Variants in CHAT observed in about 807,000 individuals in gnomAD.
The protein encoded by CHAT is acetyl CoA:choline O-acetyltransferase.
CHAT carries 61 observed loss-of-function variants against 76.9 expected under a neutral mutation model. The ratio of observed to expected loss-of-function variants is 0.79; its 90% CI spans 0.65 to 0.98. The LOEUF (loss-of-function observed/expected upper bound fraction) is 0.98. Ranked by LOEUF, CHAT falls within the 50% of genes least tolerant of loss-of-function variation. CHAT has a pLI of 0.00. For missense variants in CHAT, 946 were observed against 986.9 expected (o/e 0.96, Z 0.56); for synonymous variants, 407 against 397.4 (o/e 1.02, Z -0.29).
chr10:49,656,420 T>C (rs1379548421), intron 13 of CHAT, among the ~76,000 whole-genome samples: 1 of 151,696 alleles, frequency 6.6e-6, no homozygotes, highest in Non-Finnish European at 1.5e-5. Flanking sequence ...AAGAGGCCCT[T>C]CAACGTGAAC....
rs1838632986 is a variant in CHAT, at chr10:49,619,776, C to A, written c.439C>A (p.Leu147Met). ...GCTGCAGCAGACCCTGGCCACGTAC[C>A]TGCAGTGCATGCGACACTTGGTGTC... is the stretch of plus-strand genomic sequence containing the variant. ...PPLQQTLATY[L>M]QCMRHLVSEE... The change falls in exon 3 of 15, where the codon CTG (leucine) becomes ATG (methionine). Residue 147 changes from leucine (L) to methionine (M), a missense_variant. Transcript: ENST00000337653. 3.1e-6 allele frequency: 5 copies of A among 1,613,916 alleles called. No individual in the cohort carries two copies. The highest frequency in any genetic ancestry group is 4.2e-6 in the Non-Finnish European group (5 of 1,180,034).
intron 10 of CHAT, among the ~76,000 whole-genome samples, chr10:49,650,546 T>A (rs1839843286): frequency 1.3e-5 from 2 of 152,012 alleles, no homozygotes; most frequent in Admixed American, 1.3e-4. Context: ...AAGTTCATAA[T>A]GATGAAGGCT....
chr10:49,624,438 C>T (rs1838841508), intron 5 of CHAT, among the ~76,000 whole-genome samples: 1 of 152,178 alleles, frequency 6.6e-6, no homozygotes. Flanking sequence ...GGACACTTCA[C>T]CCTTAGGGCT....
chr10:49,618,387 G>T (rs868461158), intron 2 of CHAT, among the ~76,000 whole-genome samples: 1 of 152,146 alleles, frequency 6.6e-6, no homozygotes, highest in Non-Finnish European at 1.5e-5. Flanking sequence ...GGCAGGGTTT[G>T]CTACCCCCAT....
intron 13 of CHAT, among the ~76,000 whole-genome samples, chr10:49,660,790 G>C (rs1223752110): frequency 6.6e-6 from 1 of 152,292 alleles, no homozygotes; most frequent in Admixed American, 6.5e-5. Flanking sequence ...AGATGGGTTT[G>C]GGGAAAGGAG....
At chr10:49,619,329 C>T (rs767024098) in intron 2 of CHAT, among the ~76,000 whole-genome samples, 4 of 152,180 alleles carry the variant, frequency 2.6e-5, no homozygotes, top group Non-Finnish European at 5.9e-5. Context: ...AAAGCACTTT[C>T]ATATCTATTT....
chr10:49,611,669 C>T (rs1410431705), upstream of CHAT: 3 of 1,611,292 alleles, frequency 1.9e-6, no homozygotes, highest in African/African-American at 1.3e-5. Flanking sequence ...TTCCTCGAAC[C>T]CACCATTGCC....
At chr10:49,637,005 A>T (rs1590592637) in intron 7 of CHAT, among the ~76,000 whole-genome samples, 2 of 148,560 alleles carry the variant, frequency 1.3e-5, no homozygotes, top group Non-Finnish European at 1.5e-5. Flanking sequence ...ATCCTGTTTC[A>T]TTCCTGATAT....
intron 7 of CHAT, among the ~76,000 whole-genome samples, chr10:49,646,134 T>C (rs553338975): frequency 1.3e-5 from 2 of 152,298 alleles, no homozygotes; most frequent in East Asian, 1.9e-4. Context: ...GAGGGTGCTG[T>C]TGGGTGGGGG....
chr10:49,639,411 C>CT (rs375303096), intron 7 of CHAT, among the ~76,000 whole-genome samples: 87 of 149,394 alleles, frequency 5.8e-4, no homozygotes, highest in African/African-American at 1.9e-3. Flanking sequence ...ATTGATAGTT[C>CT]TTTTTTTTTC....
chr10:49,612,180 C>G (rs987386343), upstream of CHAT: 1 of 1,610,094 alleles, frequency 6.2e-7, no homozygotes, highest in Non-Finnish European at 8.5e-7. Flanking sequence ...GCTCCCGTTC[C>G]GAGCGCGATG....
At position 49,622,541 on chromosome 10, in the gene CHAT, A is replaced by G. The variant is rs555409885; in HGVS notation, c.752+391A>G. 5.3e-5 allele frequency among the ~76,000 whole-genome samples: 8 copies of G among 152,330 alleles called. No individual in the cohort carries two copies. In the South Asian group the frequency reaches 1.7e-3, roughly 32 times the overall value. On this transcript the variant is annotated intron_variant, in intron 5 of 14. Coordinates refer to ENST00000337653, the MANE Select transcript of CHAT (RefSeq NM_020549.5). ...AATGGTGTCTCCAGCGGGAGACTGTATCCTCAATCCCACCAAGCTCAGTGG... is the reference window on the plus strand; with the variant it reads ...AATGGTGTCTCCAGCGGGAGACTGTGTCCTCAATCCCACCAAGCTCAGTGG...
chr10:49,652,153 G>A (rs1839900354), intron 11 of CHAT, 147 bp downstream of exon 11: 9 of 1,118,078 alleles, frequency 8.0e-6, no homozygotes, highest in Non-Finnish European at 1.2e-5. Flanking sequence ...TGAAGGAGGA[G>A]CAGACTGAAC....
In CHAT at chr10:49,665,873, G is replaced by A. The variant is rs1840330309; in HGVS notation, c.*827G>A. On this transcript the variant is annotated 3_prime_UTR_variant, in exon 15 of 15. Coordinates refer to ENST00000337653, the MANE Select transcript of CHAT (RefSeq NM_020549.5). ...TGCCGGTGGGTTTGCAGAGGACCTGGCCCCTTCCCGGGGTCCTGCCATTTG... is the reference window on the plus strand; with the variant it reads ...TGCCGGTGGGTTTGCAGAGGACCTGACCCCTTCCCGGGGTCCTGCCATTTG... Among the ~76,000 whole-genome samples the A allele has an allele frequency of 6.6e-6, 1 of 152,116 alleles. No homozygotes were observed.
At position 49,637,153 on chromosome 10, in the gene CHAT, A is replaced by G. The variant is rs192868967; in HGVS notation, c.1112-9352A>G. On this transcript the variant is annotated intron_variant, in intron 7 of 14. Transcript: ENST00000337653. Reference sequence around the variant, plus strand: ...ACTGTATTGATTTCTGCTCTTTATTATTTCCTTCATCTTGCTTGCTTTGGG... The same window carrying G: ...ACTGTATTGATTTCTGCTCTTTATTGTTTCCTTCATCTTGCTTGCTTTGGG... Among the ~76,000 whole-genome samples the G allele has an allele frequency of 7.1e-3, 988 of 139,888 alleles. 10 individuals carry two copies. The highest frequency in any genetic ancestry group is 0.025 in the African/African-American group (940 of 37,486). The allele number at this position is 139,888 out of a possible 152,430, so 91.8% of individuals were successfully genotyped here.
At chr10:49,664,084 T>C (rs904433287) in intron 14 of CHAT, among the ~76,000 whole-genome samples, 1 of 152,184 alleles carries the variant, frequency 6.6e-6, no homozygotes, top group African/African-American at 2.4e-5. Flanking sequence ...GACCAGCTAA[T>C]AAAATTAATC....
Position 49,655,389 on chromosome 10 carries a change from TC to T in CHAT, c.1781del (p.Ser594LeufsTer7). ...VTDHKAAVPA[S>X]EKLLLLKDAI... Reference sequence around the variant, plus strand: ...TGCCTCTGTGTTCTGTTGACAGGCTTCTGAGAAGCTTCTGCTCCTGAAGGAT... The same window carrying T: ...TGCCTCTGTGTTCTGTTGACAGGCTTTGAGAAGCTTCTGCTCCTGAAGGAT... On this transcript the variant is annotated frameshift_variant, in exon 13 of 15. Coordinates refer to ENST00000337653, the MANE Select transcript of CHAT (RefSeq NM_020549.5). LOFTEE classifies it high-confidence loss of function. The T allele has an allele frequency of 6.2e-7, 1 of 1,614,136 alleles. No homozygotes were observed. The highest frequency in any genetic ancestry group is 8.5e-7 in the Non-Finnish European group (1 of 1,180,016).
chr10:49,624,690 T>C (rs991601997), intron 5 of CHAT, among the ~76,000 whole-genome samples: 2 of 152,008 alleles, frequency 1.3e-5, no homozygotes, highest in African/African-American at 2.4e-5. Context: ...TCACAAATAT[T>C]TGTTGGCTGA....
upstream of CHAT, chr10:49,611,940 A>G: frequency 3.1e-6 from 5 of 1,612,508 alleles, no homozygotes; most frequent in Non-Finnish European, 4.2e-6. Flanking sequence ...TCGACACAGC[A>G]CTGCTGCCCA....
Sources: gnomAD v4.1 joint callset for allele counts (sites outside exome capture counted in the v4.1 genomes callset) on GRCh38, gnomAD v4.1.1 for gene constraint, MANE v1.5 for transcripts, NCBI Gene and HGNC (gene_info 2026-07-23, HGNC 2026-07-21) for gene names.